The following PLD5 variants were observed in gnomAD, a reference collection of about 807,000 sequenced individuals.
The protein encoded by PLD5 is inactive phospholipase D5.
In PLD5, 36 loss-of-function variants were observed where a neutral mutation model predicts 61.1. That is an observed-to-expected ratio of 0.59 (90% CI 0.45 to 0.78). The LOEUF (loss-of-function observed/expected upper bound fraction) is 0.78. PLD5 is among the 30% of genes least tolerant of loss of function. The probability of loss-of-function intolerance (pLI) is 0.00; values close to 1 mark genes in which losing one functional copy is unlikely to be tolerated. For missense variants in PLD5, 515 were observed against 644.4 expected, an observed-to-expected ratio of 0.80 and a Z score of 2.17; for synonymous variants, 243 against 242.8, an observed-to-expected ratio of 1.00 and a Z score of -0.01.
At chr1:242,114,842 G>T (rs571527608) in intron 6 of PLD5, among the ~76,000 whole-genome samples, 1 of 152,144 alleles carries the variant, frequency 6.6e-6, no homozygotes, top group South Asian at 2.1e-4. Flanking sequence ...ACAGTGAGTT[G>T]TATAGTTATT....
At chr1:242,328,768 T>C (rs1173483633) in intron 2 of PLD5, among the ~76,000 whole-genome samples, 3 of 152,178 alleles carry the variant, frequency 2.0e-5, no homozygotes, top group South Asian at 2.1e-4. Flanking sequence ...AAGCCAAAGA[T>C]ACCAATATTT....
At chr1:242,090,232 G>T (rs1659713185) in intron 9 of PLD5, 122 bp from the exon 10 acceptor site, 1 of 1,298,506 alleles carries the variant, frequency 7.7e-7, no homozygotes, top group Non-Finnish European at 1.1e-6. Flanking sequence ...CAACGGAGAG[G>T]CTGAATTGTG....
At chr1:242,317,049 C>G (rs1658057217) in intron 2 of PLD5, among the ~76,000 whole-genome samples, 3 of 151,584 alleles carry the variant, frequency 2.0e-5, no homozygotes, top group Admixed American at 1.3e-4. Context: ...GCTCTTTCAC[C>G]CAGTCTGGAG....
At chr1:242,220,798 G>A (rs1168581754) in intron 4 of PLD5, among the ~76,000 whole-genome samples, 2 of 151,434 alleles carry the variant, frequency 1.3e-5, no homozygotes, top group Non-Finnish European at 2.9e-5. Flanking sequence ...GTACAGTGGT[G>A]TAATCTCAGC....
chr1:242,291,731 T>C (rs1235217768), intron 2 of PLD5, among the ~76,000 whole-genome samples: 4 of 151,946 alleles, frequency 2.6e-5, no homozygotes, highest in Non-Finnish European at 4.4e-5. Context: ...GCATGAACCC[T>C]GGGAGGTGGA....
At chr1:242,342,285 TG>T (rs1454667607) in intron 2 of PLD5, among the ~76,000 whole-genome samples, 2 of 152,280 alleles carry the variant, frequency 1.3e-5, no homozygotes, top group East Asian at 3.9e-4. Context: ...AGGATAGCTC[TG>T]TGTGGGCGGA....
intron 4 of PLD5, among the ~76,000 whole-genome samples, chr1:242,259,278 C>T (rs1422266669): frequency 2.0e-5 from 3 of 148,272 alleles, no homozygotes; most frequent in Non-Finnish European, 4.5e-5. Context: ...CAGTGTACTA[C>T]AGCCTGGGTG....
In PLD5 at chr1:242,103,903, A is replaced by G. The variant is rs369279979; in HGVS notation, c.1240-3121T>C. On this transcript the variant is annotated intron_variant, in intron 8 of 9. Coordinates refer to ENST00000536534, the MANE Select transcript of PLD5 (RefSeq NM_001372062.1). ...ATGTTACCAGACTATTCGGGAGATT[A>G]AGATGAAAACACAGGTGAGAAGCAT... is the stretch of plus-strand genomic sequence containing the variant. Among the ~76,000 whole-genome samples the G allele has an allele frequency of 2.4e-3, 366 of 152,370 alleles. 3 individuals carry two copies. The highest frequency in any genetic ancestry group is 8.5e-3 in the African/African-American group (353 of 41,588).
Position 242,124,639 on chromosome 1 carries a change from G to A in PLD5, c.762C>T (p.Tyr254=). ...AATCTAGGACCAGGCAGCTGCAGTT[G>A]TAGAAGATGACACCGAGTTCTTTCA... ...GQMKELGVIF[Y]NCSCLVLDLQ... The change falls in exon 6 of 10, where the codon TAC becomes TAT. Residue 254 remains tyrosine, a synonymous_variant. Transcript: ENST00000536534. 2 of 1,613,756 alleles carry A rather than the reference G, an allele frequency of 1.2e-6. No homozygotes were observed. Among genetic ancestry groups the A allele is most frequent in the South Asian group, 2.2e-5 (2 of 91,070 alleles).
At chr1:242,301,488 G>A (rs1256876133) in intron 2 of PLD5, among the ~76,000 whole-genome samples, 2 of 151,882 alleles carry the variant, frequency 1.3e-5, no homozygotes, top group Non-Finnish European at 2.9e-5. Context: ...CTAAAAGCAG[G>A]ACATGAGTTT....
At chr1:242,210,670 C>T (rs1669753213) in intron 5 of PLD5, 1 of 152,272 alleles carries the variant, frequency 6.6e-6, no homozygotes, top group Non-Finnish European at 1.5e-5. Flanking sequence ...CCTTGTGACC[C>T]CCACTCCTGC....
chr1:242,445,458 C>T (rs929609728), intron 1 of PLD5, among the ~76,000 whole-genome samples: 2 of 152,186 alleles, frequency 1.3e-5, no homozygotes, highest in African/African-American at 4.8e-5. Flanking sequence ...TCTCCTGCCT[C>T]AGCCTCCCGA....
chr1:242,113,961 T>G lies in PLD5; in HGVS notation c.999A>C (p.Ile333=). The change falls in exon 7 of 10, where the codon ATA becomes ATC. Residue 333 remains isoleucine (I), a synonymous_variant. Transcript: ENST00000536534. ...TGTACACATACTGCTTGGCATCATC[T>G]ATCACACTGTAGATGGCATCTATGT... is the stretch of plus-strand genomic sequence containing the variant. ...SFDIDAIYSV[I]DDAKQYVYIA... 5 of 1,614,148 alleles carry G rather than the reference T, an allele frequency of 3.1e-6. No individual in the cohort carries two copies. The highest frequency in any genetic ancestry group is 1.3e-5 in the African/African-American group (1 of 75,062).
At chr1:242,307,899 T>A (rs1454628538) in intron 2 of PLD5, among the ~76,000 whole-genome samples, 1 of 152,156 alleles carries the variant, frequency 6.6e-6, no homozygotes, top group South Asian at 2.1e-4. Context: ...CTGTTATCAA[T>A]CCTTCAAAAG....
At chr1:242,193,646 G>A (rs184668588) in intron 5 of PLD5, among the ~76,000 whole-genome samples, 1 of 152,158 alleles carries the variant, frequency 6.6e-6, no homozygotes, top group Non-Finnish European at 1.5e-5. Context: ...CATTCATTAG[G>A]GTGTCATCTG....
intron 5 of PLD5, among the ~76,000 whole-genome samples, chr1:242,191,922 C>T (rs1359584789): frequency 2.0e-5 from 3 of 152,066 alleles, no homozygotes; most frequent in African/African-American, 7.2e-5. Flanking sequence ...AAGAGTGAGA[C>T]AGAAAAGAAA....
At chr1:242,197,356 A>T (rs979160871) in intron 5 of PLD5, among the ~76,000 whole-genome samples, 2 of 152,124 alleles carry the variant, frequency 1.3e-5, no homozygotes, top group Admixed American at 1.3e-4. Flanking sequence ...TTTTCCATGA[A>T]CTTGAAGGCT....
intron 3 of PLD5, among the ~76,000 whole-genome samples, chr1:242,281,679 A>G (rs547565593): frequency 4.5e-4 from 68 of 152,274 alleles, no homozygotes; most frequent in Non-Finnish European, 8.5e-4. Context: ...AAAAAAAGGT[A>G]TTCTTAAGCT....
intron 1 of PLD5, among the ~76,000 whole-genome samples, chr1:242,351,986 G>C (rs578026677): frequency 6.6e-6 from 1 of 152,164 alleles, no homozygotes; most frequent in South Asian, 2.1e-4. Flanking sequence ...GGTACAAAGT[G>C]ATTTTTTACA....
Sources: gnomAD v4.1 joint callset for allele counts (sites outside exome capture counted in the v4.1 genomes callset) on GRCh38, gnomAD v4.1.1 for gene constraint, MANE v1.5 for transcripts, NCBI Gene and HGNC (gene_info 2026-07-23, HGNC 2026-07-21) for gene names.